Variants in AFG2A observed in about 807,000 individuals in gnomAD.
AFG2A encodes ATPase family gene 2 protein homolog A.
the AFG2A span, among the ~76,000 whole-genome samples, chr4:123,124,099 A>G: frequency 2.0e-5 from 3 of 152,108 alleles, no homozygotes; most frequent in Non-Finnish European, 4.4e-5. Flanking sequence ...AAGGATCTAG[A>G]ACTAGAAATG....
At chr4:123,111,735 A>C in the AFG2A span, among the ~76,000 whole-genome samples, 128,294 of 148,718 alleles carry the variant, frequency 0.86, 55,058 homozygotes, top group East Asian at 0.97. Flanking sequence ...TCTTCTTCTT[A>C]TTATTATTAT....
chr4:122,970,416 A>T, the AFG2A span, among the ~76,000 whole-genome samples: 1 of 152,072 alleles, frequency 6.6e-6, no homozygotes, highest in Non-Finnish European at 1.5e-5. Flanking sequence ...CACATCTCTC[A>T]GAATGTATCC....
At chr4:123,017,134 GT>G in the AFG2A span, among the ~76,000 whole-genome samples, 1 of 128,962 alleles carries the variant, frequency 7.8e-6, no homozygotes, top group African/African-American at 3.1e-5. Flanking sequence ...GAGGGAGACC[GT>G]GGGGAGAGGG....
chr4:122,954,950 C>T, the AFG2A span, among the ~76,000 whole-genome samples: 5 of 152,114 alleles, frequency 3.3e-5, no homozygotes, highest in South Asian at 1.0e-3. Flanking sequence ...ATGGTCAGCC[C>T]GGGACCCCCC....
chr4:123,231,489 G>A, the AFG2A span, among the ~76,000 whole-genome samples: 193 of 151,730 alleles, frequency 1.3e-3, 1 homozygote, highest in African/African-American at 4.3e-3. Flanking sequence ...TGTTGTGGTT[G>A]GTTTGATCTT....
the AFG2A span, among the ~76,000 whole-genome samples, chr4:123,053,571 G>C: frequency 0.82 from 124,144 of 152,180 alleles, 52,267 homozygotes; most frequent in East Asian, 0.97. Flanking sequence ...TGTAACAGGG[G>C]GGTCTGGTAC....
the AFG2A span, among the ~76,000 whole-genome samples, chr4:123,040,551 G>A: frequency 6.6e-6 from 1 of 152,256 alleles, no homozygotes; most frequent in South Asian, 2.1e-4. Flanking sequence ...CACAATACGT[G>A]GAAAACTGCC....
chr4:123,043,517 T>C, the AFG2A span, among the ~76,000 whole-genome samples: 6 of 152,200 alleles, frequency 3.9e-5, no homozygotes. Context: ...ATAAACTTTA[T>C]TTCTCAACAT....
At chr4:123,047,368 T>C in the AFG2A span, among the ~76,000 whole-genome samples, 1 of 147,548 alleles carries the variant, frequency 6.8e-6, no homozygotes, top group South Asian at 2.2e-4. Context: ...CATTTTTTCA[T>C]ATAGTTATTG....
chr4:123,094,482 A>C, the AFG2A span, among the ~76,000 whole-genome samples: 1 of 152,122 alleles, frequency 6.6e-6, no homozygotes, highest in Non-Finnish European at 1.5e-5. Context: ...ATAGGAGTCA[A>C]ATATTAAAAG....
the AFG2A span, among the ~76,000 whole-genome samples, chr4:123,235,614 C>T: frequency 1.3e-5 from 2 of 152,208 alleles, no homozygotes; most frequent in African/African-American, 4.8e-5. Context: ...GTTATTCTGA[C>T]TATGTCAACT....
At chr4:122,935,965 TAAA>T in the AFG2A span, 1 of 1,318,428 alleles carries the variant, frequency 7.6e-7, no homozygotes, top group Non-Finnish European at 1.0e-6. Flanking sequence ...TGCTTCTTAA[TAAA>T]AATTGTTTGG....
the AFG2A span, among the ~76,000 whole-genome samples, chr4:123,157,838 A>C: frequency 6.6e-6 from 1 of 152,242 alleles, no homozygotes; most frequent in Non-Finnish European, 1.5e-5. Context: ...ATTCAACTTA[A>C]ATAATGAAAT....
At chr4:122,992,323 C>T in the AFG2A span, among the ~76,000 whole-genome samples, 1 of 152,178 alleles carries the variant, frequency 6.6e-6, no homozygotes, top group African/African-American at 2.4e-5. Flanking sequence ...CCATGGTGTG[C>T]TGTGATGTTA....
the AFG2A span, among the ~76,000 whole-genome samples, chr4:123,140,593 TA>T: frequency 1.3e-5 from 2 of 152,074 alleles, no homozygotes; most frequent in Non-Finnish European, 2.9e-5. Flanking sequence ...GCTTCTTATT[TA>T]AAACTACTTA....
At chr4:123,212,331 C>T in the AFG2A span, among the ~76,000 whole-genome samples, 1 of 152,006 alleles carries the variant, frequency 6.6e-6, no homozygotes, top group Non-Finnish European at 1.5e-5. Context: ...ACCTATTCAC[C>T]CCTCTACACA....
chr4:123,214,759 A>G, the AFG2A span, among the ~76,000 whole-genome samples: 2 of 151,972 alleles, frequency 1.3e-5, no homozygotes, highest in Admixed American at 6.6e-5. Flanking sequence ...GAAGACCTTT[A>G]TGATCTGCTT....
At chr4:123,283,059 A>C in the AFG2A span, among the ~76,000 whole-genome samples, 1 of 152,096 alleles carries the variant, frequency 6.6e-6, no homozygotes, top group Non-Finnish European at 1.5e-5. Context: ...GATGCTCCAT[A>C]AAGGTTTTGG....
the AFG2A span, among the ~76,000 whole-genome samples, chr4:122,926,860 CAG>C: frequency 1.3e-5 from 2 of 152,066 alleles, no homozygotes; most frequent in Non-Finnish European, 2.9e-5. Flanking sequence ...ATTGGAGATA[CAG>C]AGAGAAATAG....
Sources: gnomAD v4.1 joint callset for allele counts (sites outside exome capture counted in the v4.1 genomes callset) on GRCh38, gnomAD v4.1.1 for gene constraint, MANE v1.5 for transcripts, NCBI Gene and HGNC (gene_info 2026-07-23, HGNC 2026-07-21) for gene names.